FSTL5: variants seen among roughly 807,000 people sequenced by gnomAD.
FSTL5 encodes the protein follistatin like 5, also known as follistatin-related protein 5.
A neutral mutation model predicts 89.1 loss-of-function variants in FSTL5; 62 were observed. The ratio of observed to expected loss-of-function variants is 0.70; its 90% CI spans 0.57 to 0.86. FSTL5 has a LOEUF of 0.86. FSTL5 is among the 40% of genes least tolerant of loss of function. The pLI is 0.00. For missense variants in FSTL5, 1,057 were observed against 1,001.6 expected, an observed-to-expected ratio of 1.06 and a Z score of -0.75; for synonymous variants, 383 against 346.2, an observed-to-expected ratio of 1.11 and a Z score of -1.18.
At chr4:162,064,487 A>C (rs1738824639) in intron 2 of FSTL5, among the ~76,000 whole-genome samples, 1 of 152,048 alleles carries the variant, frequency 6.6e-6, no homozygotes, top group Non-Finnish European at 1.5e-5. Context: ...ACATGAATGG[A>C]AGAAAAAAGG....
intron 4 of FSTL5, among the ~76,000 whole-genome samples, chr4:161,789,297 G>A (rs2126818308): frequency 6.6e-6 from 1 of 152,124 alleles, no homozygotes; most frequent in South Asian, 2.1e-4. Context: ...TAAGTTTGGA[G>A]CAAGCAAAGG....
At chr4:161,952,940 G>T (rs1399374946) in intron 3 of FSTL5, among the ~76,000 whole-genome samples, 2 of 151,746 alleles carry the variant, frequency 1.3e-5, no homozygotes, top group Non-Finnish European at 3.0e-5. Flanking sequence ...TGATGGGTGT[G>T]TAGAGAACTA....
chr4:162,002,338 C>T (rs1736488602), intron 3 of FSTL5, among the ~76,000 whole-genome samples: 1 of 152,162 alleles, frequency 6.6e-6, no homozygotes, highest in Non-Finnish European at 1.5e-5. Context: ...ATGTATATTT[C>T]AGGTCTCTGA....
chr4:161,672,800 C>T (rs1172578995), intron 6 of FSTL5, among the ~76,000 whole-genome samples: 4 of 148,898 alleles, frequency 2.7e-5, no homozygotes, highest in African/African-American at 1.0e-4. Flanking sequence ...TTTCTTAAGC[C>T]TACAATTGTT....
chr4:162,039,410 T>C lies in FSTL5; in HGVS notation c.127-5752A>G, dbSNP rs184766265. ...TTCTAGATAATTAACAGAATTAACATGACTATTTTTAAAAACAAGTCAAAA... is the reference window on the plus strand; with the variant it reads ...TTCTAGATAATTAACAGAATTAACACGACTATTTTTAAAAACAAGTCAAAA... On this transcript the variant is annotated intron_variant, in intron 2 of 15. Coordinates refer to ENST00000306100, the MANE Select transcript of FSTL5 (RefSeq NM_020116.5). Among the ~76,000 whole-genome samples, 155 of 152,078 alleles carry C rather than the reference T, an allele frequency of 1.0e-3. 1 individual carries two copies. The highest frequency in any genetic ancestry group is 3.3e-3 in the African/African-American group (137 of 41,558).
intron 15 of FSTL5, among the ~76,000 whole-genome samples, chr4:161,446,658 T>G (rs191861042): frequency 1.6e-4 from 24 of 152,234 alleles, no homozygotes; most frequent in Admixed American, 4.6e-4. Context: ...TGATTCAAAA[T>G]ATTGCAGTCT....
intron 10 of FSTL5, among the ~76,000 whole-genome samples, chr4:161,532,213 A>AG (rs1491115417): frequency 6.9e-5 from 10 of 144,364 alleles, no homozygotes; most frequent in Non-Finnish European, 1.5e-4. Flanking sequence ...AAAAAAAAAA[A>AG]GAAATTATTT....
At chr4:161,710,033 A>G (rs1215138191) in intron 6 of FSTL5, among the ~76,000 whole-genome samples, 1 of 151,960 alleles carries the variant, frequency 6.6e-6, no homozygotes, top group Non-Finnish European at 1.5e-5. Flanking sequence ...TAGCGGCGTG[A>G]TCATGGCTCA....
intron 3 of FSTL5, among the ~76,000 whole-genome samples, chr4:161,931,391 T>A (rs1449483595): frequency 6.6e-6 from 1 of 151,730 alleles, no homozygotes; most frequent in African/African-American, 2.4e-5. Flanking sequence ...CAATATAGTA[T>A]AAGTTGGAAA....
intron 15 of FSTL5, among the ~76,000 whole-genome samples, chr4:161,394,374 C>A (rs931512584): frequency 3.9e-5 from 6 of 152,178 alleles, no homozygotes; most frequent in African/African-American, 1.4e-4. Context: ...CTTCTGGGTT[C>A]AAGTGATTCT....
At chr4:161,669,128 T>TA (rs1283912253) in intron 6 of FSTL5, among the ~76,000 whole-genome samples, 20 of 113,630 alleles carry the variant, frequency 1.8e-4, no homozygotes, top group African/African-American at 6.2e-4. Flanking sequence ...AAAAAAAAAA[T>TA]AAAATAAAAT....
intron 3 of FSTL5, among the ~76,000 whole-genome samples, chr4:162,017,982 C>T (rs570942906): frequency 4.1e-4 from 63 of 152,212 alleles, no homozygotes; most frequent in African/African-American, 1.4e-3. Context: ...ACCCCTCCAG[C>T]CTGACTTTGT....
chr4:161,453,365 GA>G (rs1411612985), intron 15 of FSTL5, among the ~76,000 whole-genome samples: 1 of 151,874 alleles, frequency 6.6e-6, no homozygotes, highest in Non-Finnish European at 1.5e-5. Flanking sequence ...AATAACAAAA[GA>G]ATATTTATTA....
At chr4:161,774,449 T>C (rs1006570838) in intron 5 of FSTL5, among the ~76,000 whole-genome samples, 1 of 152,102 alleles carries the variant, frequency 6.6e-6, no homozygotes, top group Admixed American at 6.6e-5. Flanking sequence ...AGGAAACTAA[T>C]ACAAACTTGA....
At chr4:161,836,531 C>T (rs964065382) in intron 4 of FSTL5, among the ~76,000 whole-genome samples, 8 of 151,698 alleles carry the variant, frequency 5.3e-5, no homozygotes, top group African/African-American at 1.7e-4. Flanking sequence ...GTGCAGCATC[C>T]CTCAGGGAGA....
chr4:161,571,545 A>T (rs533706660), intron 8 of FSTL5, among the ~76,000 whole-genome samples: 9 of 152,178 alleles, frequency 5.9e-5, no homozygotes, highest in Non-Finnish European at 1.2e-4. Context: ...ATTAAGAAAA[A>T]TAGAGCATTA....
At chr4:161,820,542 A>G (rs1478218240) in intron 4 of FSTL5, among the ~76,000 whole-genome samples, 1 of 152,174 alleles carries the variant, frequency 6.6e-6, no homozygotes, top group Non-Finnish European at 1.5e-5. Context: ...TGTATTTGTC[A>G]ATGTTTCTTA....
chr4:161,887,932 G>C (rs1732866769), intron 4 of FSTL5, among the ~76,000 whole-genome samples: 1 of 152,112 alleles, frequency 6.6e-6, no homozygotes, highest in Non-Finnish European at 1.5e-5. Context: ...TATCATTCAA[G>C]TTTATTTTCT....
intron 7 of FSTL5, among the ~76,000 whole-genome samples, chr4:161,613,793 A>T (rs938529952): frequency 1.3e-5 from 2 of 152,154 alleles, no homozygotes; most frequent in African/African-American, 4.8e-5. Context: ...TGACTGACTA[A>T]ATTTATAATT....
Sources: allele counts gnomAD v4.1 joint callset (sites outside exome capture counted in the v4.1 genomes callset), GRCh38; gene constraint gnomAD v4.1.1; transcripts MANE v1.5; gene names NCBI Gene and HGNC (gene_info 2026-07-23, HGNC 2026-07-21).